Variants in PIK3R6 observed in about 807,000 individuals in gnomAD.
PIK3R6 encodes the protein phosphoinositide 3-kinase regulatory subunit 6.
Under a neutral mutation model 84.9 loss-of-function variants are expected in PIK3R6, and 91 were observed. The observed-to-expected ratio is 1.07, with a 90% CI of 0.90 to 1.28. PIK3R6 has a LOEUF of 1.28. Ranked by LOEUF, PIK3R6 falls within the 50% of genes most tolerant of loss-of-function variation. PIK3R6 has a pLI of 0.00. For synonymous variants in PIK3R6, 416 were observed against 411.4 expected (o/e 1.01, Z -0.13); for missense variants, 996 against 985.1 (o/e 1.01, Z -0.15).
rs2087118208 is a variant in PIK3R6 at position 8,803,881 on chromosome 17, C to T, written c.2108+160G>A. On this transcript the variant is annotated intron_variant, in intron 19 of 19. Coordinates refer to ENST00000619866, the MANE Select transcript of PIK3R6 (RefSeq NM_001010855.4). The surrounding 1 kb of genome is among the most constrained non-coding windows in gnomAD (Gnocchi z 5.0). ...GACTTCCTGGATCCAAAGCATAGGGCAGTGGCCTCTGTCCATCCTCACCAA... is the reference window on the plus strand; with the variant it reads ...GACTTCCTGGATCCAAAGCATAGGGTAGTGGCCTCTGTCCATCCTCACCAA... 1 of 644,618 alleles carries T rather than the reference C, an allele frequency of 1.6e-6. No individual in the cohort carries two copies. The highest frequency in any genetic ancestry group is 2.8e-6 in the Non-Finnish European group (1 of 362,290). 39.9% of individuals were successfully genotyped at this position (644,618 alleles called of 1,614,324 possible).
rs766302919 is a variant in PIK3R6 at position 8,827,229 on chromosome 17, C to T, written c.1458G>A (p.Pro486=). 23 of 1,599,722 alleles carry T rather than the reference C, an allele frequency of 1.4e-5. No individual in the cohort carries two copies. Among genetic ancestry groups the T allele is most frequent in the South Asian group, 2.3e-5 (2 of 88,222 alleles). ...ELATFLGRVD[P]WYQSNVNTLC... The stretch of plus-strand genomic sequence containing the variant: ...GCGTGTTGACGTTGCTCTGGTACCA[C>T]GGGTCTACGCGGCCCAGGAACGTAG... The change falls in exon 13 of 20, where the codon CCG becomes CCA. Residue 486 remains proline, a synonymous_variant. Coordinates refer to ENST00000619866, the MANE Select transcript of PIK3R6 (RefSeq NM_001010855.4).
chr17:8,836,649 C>T (rs1452630163), intron 6 of PIK3R6, 33 bp from the exon 7 acceptor site: 4 of 1,613,838 alleles, frequency 2.5e-6, no homozygotes, highest in Non-Finnish European at 2.5e-6. Context: ...CAAACAGCCC[C>T]CAAGTCTCTG....
intron 1 of PIK3R6, among the ~76,000 whole-genome samples, chr17:8,850,514 T>C (rs1290364031): frequency 2.0e-5 from 3 of 152,146 alleles, no homozygotes; most frequent in Admixed American, 2.0e-4. Context: ...AAATAGCTAG[T>C]AAGCAAGGAA....
chr17:8,849,262 A>G (rs970964681), intron 2 of PIK3R6, among the ~76,000 whole-genome samples: 3 of 152,236 alleles, frequency 2.0e-5, no homozygotes, highest in African/African-American at 7.2e-5. Flanking sequence ...GAAGCAATCC[A>G]TACTGAAATC....
At chr17:8,863,440 T>C (rs1228688050) in intron 1 of PIK3R6, among the ~76,000 whole-genome samples, 1 of 152,158 alleles carries the variant, frequency 6.6e-6, no homozygotes, top group Non-Finnish European at 1.5e-5. Flanking sequence ...CACCCTAATG[T>C]GCAATGAATC....
rs1198293480 is a variant in PIK3R6 at position 8,862,845 on chromosome 17, C to A, written c.-92+4684G>T. ...GCGGGAAAGTGGCTGAGGGACAAAT[C>A]CCAACAACCTGGGAGATGTCCTGTG... On this transcript the variant is annotated intron_variant, in intron 1 of 19. Transcript: ENST00000619866. The surrounding 1 kb of genome is among the most constrained non-coding windows in gnomAD (Gnocchi z 4.3). 6.6e-6 allele frequency among the ~76,000 whole-genome samples: 1 copy of A among 152,186 alleles called. No individual in the cohort carries two copies.
intron 9 of PIK3R6, among the ~76,000 whole-genome samples, chr17:8,830,920 G>A (rs903245853): frequency 1.3e-5 from 2 of 151,966 alleles, no homozygotes; most frequent in Non-Finnish European, 2.9e-5. Flanking sequence ...GAGGAGGGTG[G>A]ATCACGAGGT....
At chr17:8,828,502 C>T in intron 11 of PIK3R6, 65 bp downstream of exon 11, 1 of 1,559,140 alleles carries the variant, frequency 6.4e-7, no homozygotes, top group Non-Finnish European at 8.7e-7. Context: ...CCTTCACCAG[C>T]CCACGCCAGG....
chr17:8,860,289 C>G (rs58497212), intron 1 of PIK3R6, among the ~76,000 whole-genome samples: 43,051 of 137,896 alleles, frequency 0.31, 6,436 homozygotes, highest in African/African-American at 0.41. Flanking sequence ...CCTCCTGGGG[C>G]GGGGGGCGGT....
intron 1 of PIK3R6, among the ~76,000 whole-genome samples, chr17:8,856,378 G>A (rs1360100970): frequency 6.6e-6 from 1 of 152,196 alleles, no homozygotes; most frequent in Non-Finnish European, 1.5e-5. Context: ...GAGGCAGGTG[G>A]ATCACTTGAG....
rs371998953 is a variant in PIK3R6, at chr17:8,839,701, G to A, written c.14-4C>T. The A allele has an allele frequency of 1.3e-6, 2 of 1,565,740 alleles. No homozygotes were observed. Among genetic ancestry groups the A allele is most frequent in the Non-Finnish European group, 1.7e-6 (2 of 1,154,634 alleles). ...CTCTGGAGGTCCAGCTCCACATCTGGGCAGTGGTAGGGGTGGGAGGAAACT... is the reference window on the plus strand; with the variant it reads ...CTCTGGAGGTCCAGCTCCACATCTGAGCAGTGGTAGGGGTGGGAGGAAACT... On this transcript the variant is annotated splice_region_variant and splice_polypyrimidine_tract_variant and intron_variant, in intron 2 of 19. Coordinates refer to ENST00000619866, the MANE Select transcript of PIK3R6 (RefSeq NM_001010855.4). This position sits in a 1 kb window ranked among gnomAD's most constrained non-coding sequence, Gnocchi z 4.2.
chr17:8,805,252 C>T (rs2087168173), intron 18 of PIK3R6, among the ~76,000 whole-genome samples: 1 of 152,148 alleles, frequency 6.6e-6, no homozygotes, highest in African/African-American at 2.4e-5. Flanking sequence ...TCTGTGCTAC[C>T]TTTTAGGATT....
intron 8 of PIK3R6, among the ~76,000 whole-genome samples, chr17:8,834,644 C>T (rs905628276): frequency 7.2e-5 from 11 of 151,776 alleles, no homozygotes; most frequent in Non-Finnish European, 8.8e-5. Flanking sequence ...CCTCCTGCCT[C>T]GGCCTCTCAA....
chr17:8,839,636 G>A lies in PIK3R6; in HGVS notation c.75C>T (p.Ala25=). 6.3e-7 allele frequency: 1 copy of A among 1,576,452 alleles called. No individual in the cohort carries two copies. The highest frequency in any genetic ancestry group is 8.6e-7 in the Non-Finnish European group (1 of 1,160,802). Residue 25 remains alanine, a synonymous_variant, in exon 3 of 20, where the codon GCC becomes GCT. Coordinates refer to ENST00000619866, the MANE Select transcript of PIK3R6 (RefSeq NM_001010855.4). The surrounding 1 kb of genome is among the most constrained non-coding windows in gnomAD (Gnocchi z 4.2). The stretch of plus-strand genomic sequence containing the variant: ...TACCTTGGTTGCTCTGCAGGGCAGG[G>A]GCCTGGGTGCTGAGCTCCCGGAGCA... ...QAVLRELSTQ[A]PALQSNQGMW...
chr17:8,849,452 C>T (rs776638609), intron 2 of PIK3R6, among the ~76,000 whole-genome samples: 5 of 152,316 alleles, frequency 3.3e-5, no homozygotes, highest in South Asian at 2.1e-4. Flanking sequence ...TCATATTTGT[C>T]AAGTGCTTTT....
intron 1 of PIK3R6, among the ~76,000 whole-genome samples, chr17:8,858,242 AT>A (rs1406656147): frequency 4.0e-5 from 6 of 150,394 alleles, no homozygotes; most frequent in Non-Finnish European, 8.9e-5. Flanking sequence ...AATGAGAAGA[AT>A]TTTTTAGGAA....
In PIK3R6 at chr17:8,828,833, CCCCGTGGGAAGGT is replaced by C. The variant is rs751350980; in HGVS notation, c.1034_1046del (p.Asp345GlyfsTer34). 2 of 1,595,154 alleles carry C rather than the reference CCCCGTGGGAAGGT, an allele frequency of 1.3e-6. No homozygotes were observed. The highest frequency in any genetic ancestry group is 3.5e-5 in the Admixed American group (2 of 57,068). ...TGCCGGGTGCAGGCAGCTCATCAGC[CCCCGTGGGAAGGT>C]CCCGCTCAATGCCGCTGTCAGTGGA... On this transcript the variant is annotated frameshift_variant, in exon 11 of 20. Transcript: ENST00000619866. LOFTEE classifies it high-confidence loss of function.
intron 2 of PIK3R6, among the ~76,000 whole-genome samples, chr17:8,841,489 GA>G (rs931351622): frequency 2.6e-5 from 4 of 152,186 alleles, no homozygotes; most frequent in African/African-American, 9.7e-5. Context: ...AGTTTAGCAA[GA>G]ATGTCCCGAC....
rs1017309345 is a variant in PIK3R6, at chr17:8,811,209, G to C, written c.1996-7056C>G. ...AAAGCCATGGCCCGAGCTCTACATT[G>C]GTCCCTTTCAGCCATGGCTGGAGCA... On this transcript the variant is annotated intron_variant, in intron 18 of 19. Coordinates refer to ENST00000619866, the MANE Select transcript of PIK3R6 (RefSeq NM_001010855.4). Among the ~76,000 whole-genome samples, 22 of 148,596 alleles carry C rather than the reference G, an allele frequency of 1.5e-4. 3 individuals are homozygous for C. Among genetic ancestry groups the C allele is most frequent in the Admixed American group, 1.4e-4 (2 of 14,636 alleles).
Sources: gnomAD v4.1 joint callset for allele counts (sites outside exome capture counted in the v4.1 genomes callset) on GRCh38, gnomAD v4.1.1 for gene constraint, Gnocchi (gnomAD v3.1) non-coding constraint, MANE v1.5 for transcripts, NCBI Gene and HGNC (gene_info 2026-07-23, HGNC 2026-07-21) for gene names.